Variants in NRXN1 observed in about 807,000 individuals in gnomAD.
NRXN1 encodes neurexin 1.
A neutral mutation model predicts 150.9 loss-of-function variants in NRXN1; 39 were observed. That is an observed-to-expected ratio of 0.26 (90% CI 0.20 to 0.34). NRXN1 has a LOEUF of 0.34. NRXN1 is among the 10% of genes least tolerant of loss of function. The pLI is 1.00. For missense variants in NRXN1, 1,815 were observed against 1,949.9 expected, an observed-to-expected ratio of 0.93 and a Z score of 1.30; for synonymous variants, 924 against 757.0, an observed-to-expected ratio of 1.22 and a Z score of -3.62.
chr2:50,198,545 T>C (rs2061923120), intron 18 of NRXN1, among the ~76,000 whole-genome samples: 1 of 152,256 alleles, frequency 6.6e-6, no homozygotes. Flanking sequence ...TAAAAGTAGC[T>C]ATGGTTTCTA....
intron 2 of NRXN1, among the ~76,000 whole-genome samples, chr2:50,988,524 T>G (rs1163224271): frequency 6.6e-6 from 1 of 151,946 alleles, no homozygotes; most frequent in African/African-American, 2.4e-5. Flanking sequence ...CGTAAATGAC[T>G]GTCAAGGTGA....
chr2:50,278,400 C>T (rs1041976064), intron 17 of NRXN1, among the ~76,000 whole-genome samples: 1 of 147,286 alleles, frequency 6.8e-6, no homozygotes, highest in Non-Finnish European at 1.5e-5. Flanking sequence ...GCTCCGCCCC[C>T]CTTGGCCTCC....
intron 17 of NRXN1, among the ~76,000 whole-genome samples, chr2:50,333,823 C>T (rs575112451): frequency 3.9e-5 from 6 of 152,008 alleles, no homozygotes; most frequent in Admixed American, 3.3e-4. Flanking sequence ...CACTGATTTG[C>T]CAGCAGAGTG....
At chr2:50,770,587 T>C (rs1203588957) in intron 5 of NRXN1, among the ~76,000 whole-genome samples, 1 of 152,088 alleles carries the variant, frequency 6.6e-6, no homozygotes, top group East Asian at 1.9e-4. Context: ...TGCTGGAGCA[T>C]AAAATGCAAA....
Position 50,353,978 on chromosome 2 carries a change from G to T in NRXN1, c.3364+111464C>A, listed in dbSNP as rs975215873. Among the ~76,000 whole-genome samples, 3 of 152,266 alleles carry T rather than the reference G, an allele frequency of 2.0e-5. No homozygotes were observed. In the East Asian group the frequency reaches 5.8e-4, roughly 29 times the overall value. On this transcript the variant is annotated intron_variant, in intron 17 of 22. Coordinates refer to ENST00000401669, the MANE Select transcript of NRXN1 (RefSeq NM_001330078.2). ...CTCCCAGGTGATGCTGAAGCTGCTA[G>T]TCCAGGGGAATGCCAAGGTCCTTAT...
chr2:50,413,492 C>T (rs889414528), intron 17 of NRXN1, among the ~76,000 whole-genome samples: 3 of 152,178 alleles, frequency 2.0e-5, no homozygotes, highest in Admixed American at 6.5e-5. Flanking sequence ...TATCATCTCA[C>T]TCCATTTAAA....
intron 18 of NRXN1, among the ~76,000 whole-genome samples, chr2:50,168,679 C>G (rs566843898): frequency 6.6e-6 from 1 of 152,242 alleles, no homozygotes; most frequent in South Asian, 2.1e-4. Flanking sequence ...ATAGAAATTT[C>G]ATGGCCAGAG....
intron 5 of NRXN1, among the ~76,000 whole-genome samples, chr2:50,803,753 G>C (rs916301324): frequency 5.9e-5 from 9 of 152,176 alleles, no homozygotes; most frequent in Middle Eastern, 6.8e-3. Flanking sequence ...GGATACTTAC[G>C]TTCAAGATCA....
chr2:50,013,405 A>G (rs1367849714), intron 21 of NRXN1, among the ~76,000 whole-genome samples: 1 of 151,690 alleles, frequency 6.6e-6, no homozygotes, highest in African/African-American at 2.4e-5. Flanking sequence ...CTCTTTAGGA[A>G]GAATCTTAAT....
intron 21 of NRXN1, among the ~76,000 whole-genome samples, chr2:49,986,021 C>T (rs1680845676): frequency 6.6e-6 from 1 of 152,162 alleles, no homozygotes; most frequent in Non-Finnish European, 1.5e-5. Context: ...GCTTTATACT[C>T]TGAAGACCAC....
intron 5 of NRXN1, among the ~76,000 whole-genome samples, chr2:50,771,541 G>A (rs778850612): frequency 2.1e-4 from 32 of 152,048 alleles, no homozygotes; most frequent in Non-Finnish European, 7.4e-5. Context: ...AATAGTAGAG[G>A]AGGACCATTC....
chr2:50,653,837 G>C (rs1685989331), intron 5 of NRXN1, among the ~76,000 whole-genome samples: 1 of 151,808 alleles, frequency 6.6e-6, no homozygotes, highest in Non-Finnish European at 1.5e-5. Context: ...TTCCTCTTTA[G>C]AACCTAGCTG....
chr2:50,785,272 G>A (rs1174230766), intron 5 of NRXN1, among the ~76,000 whole-genome samples: 4 of 129,660 alleles, frequency 3.1e-5, no homozygotes, highest in African/African-American at 1.1e-4. Flanking sequence ...TTTTTGAGAC[G>A]GAGTCTCATT....
At chr2:50,869,150 T>C (rs946196604) in intron 5 of NRXN1, among the ~76,000 whole-genome samples, 2 of 151,774 alleles carry the variant, frequency 1.3e-5, no homozygotes, top group African/African-American at 4.8e-5. Context: ...TCTCTTTTTA[T>C]AAGGAAATAA....
chr2:50,792,466 A>C (rs1356117435), intron 5 of NRXN1, among the ~76,000 whole-genome samples: 2 of 152,060 alleles, frequency 1.3e-5, no homozygotes, highest in African/African-American at 4.8e-5. Context: ...CATATTATCT[A>C]ATACTATAAT....
At chr2:50,146,693 T>G (rs541006762) in intron 18 of NRXN1, among the ~76,000 whole-genome samples, 11 of 151,670 alleles carry the variant, frequency 7.3e-5, no homozygotes, top group Non-Finnish European at 1.6e-4. Context: ...CAGTTTACGT[T>G]AACATAGTTT....
intron 18 of NRXN1, among the ~76,000 whole-genome samples, chr2:50,106,617 C>T (rs1371306093): frequency 6.6e-6 from 1 of 151,926 alleles, no homozygotes. Flanking sequence ...GGTTTGGTAA[C>T]ATTAAGCTTT....
Position 49,920,398 on chromosome 2 carries a change from A to G in NRXN1, c.*1546T>C, listed in dbSNP as rs1667990875. On this transcript the variant is annotated 3_prime_UTR_variant, in exon 23 of 23. Coordinates refer to ENST00000401669, the MANE Select transcript of NRXN1 (RefSeq NM_001330078.2). ...TAGAAAGAAAGTTTTCAATTGCAGC[A>G]GCCAGAGTTAAGGTGTAGATTAACC... 1 of 152,630 alleles carries G rather than the reference A, an allele frequency of 6.6e-6. No individual in the cohort carries two copies. The highest frequency in any genetic ancestry group is 2.4e-5 in the African/African-American group (1 of 41,450). The allele number at this position is 152,630 out of a possible 1,614,324, so 9.5% of individuals were successfully genotyped here.
At chr2:50,231,223 C>T (rs533805516) in intron 18 of NRXN1, among the ~76,000 whole-genome samples, 1 of 105,998 alleles carries the variant, frequency 9.4e-6, no homozygotes, top group Admixed American at 8.9e-5. Flanking sequence ...AACATAATTT[C>T]TATTCAAGGA....
Sources: gnomAD v4.1 joint callset for allele counts (sites outside exome capture counted in the v4.1 genomes callset) on GRCh38, gnomAD v4.1.1 for gene constraint, MANE v1.5 for transcripts, NCBI Gene and HGNC (gene_info 2026-07-23, HGNC 2026-07-21) for gene names.